GALNT17: variants seen among roughly 807,000 people sequenced by gnomAD.
The protein encoded by GALNT17 is UDP-GalNAc:polypeptide N-acetylgalactosaminyltransferase-like 3.
GALNT17 carries 29 observed loss-of-function variants against 63.7 expected under a neutral mutation model. The ratio of observed to expected loss-of-function variants is 0.46; its 90% CI spans 0.34 to 0.62. GALNT17 has a LOEUF of 0.62. Ranked by LOEUF, GALNT17 falls within the 20% of genes least tolerant of loss-of-function variation. GALNT17 has a pLI of 0.01. For synonymous variants in GALNT17, 305 were observed against 318.3 expected (o/e 0.96, Z 0.45); for missense variants, 603 against 799.6 (o/e 0.75, Z 2.97).
intron 2 of GALNT17, among the ~76,000 whole-genome samples, chr7:71,381,204 C>T (rs1039160838): frequency 4.6e-5 from 7 of 151,758 alleles, no homozygotes; most frequent in South Asian, 2.1e-4. Context: ...TCTGGTGGTC[C>T]GCTGCCTCTA....
At chr7:71,656,097 T>TCAGAC (rs1790824141) in intron 6 of GALNT17, among the ~76,000 whole-genome samples, 1 of 152,144 alleles carries the variant, frequency 6.6e-6, no homozygotes, top group Non-Finnish European at 1.5e-5. Context: ...AACTCAGAAC[T>TCAGAC]CTTTGGGTAC....
chr7:71,276,640 C>G (rs981908915), intron 1 of GALNT17, among the ~76,000 whole-genome samples: 1 of 152,158 alleles, frequency 6.6e-6, no homozygotes, highest in Non-Finnish European at 1.5e-5. Flanking sequence ...TTGCCTTCTT[C>G]CATGATTGTG....
At chr7:71,513,533 G>T (rs1424940850) in intron 5 of GALNT17, among the ~76,000 whole-genome samples, 1 of 151,942 alleles carries the variant, frequency 6.6e-6, no homozygotes, top group Non-Finnish European at 1.5e-5. Context: ...CTACAGGCAT[G>T]CTCCACCATG....
intron 6 of GALNT17, among the ~76,000 whole-genome samples, chr7:71,655,963 T>G (rs537567840): frequency 2.0e-5 from 3 of 152,308 alleles, no homozygotes; most frequent in African/African-American, 7.2e-5. Flanking sequence ...TATTTCCTTT[T>G]CCTTTCTTTA....
chr7:71,176,191 G>T (rs959119419), intron 1 of GALNT17, among the ~76,000 whole-genome samples: 5 of 151,946 alleles, frequency 3.3e-5, no homozygotes, highest in Non-Finnish European at 5.9e-5. Context: ...AGAACACCAA[G>T]CAGAACAATA....
intron 3 of GALNT17, among the ~76,000 whole-genome samples, chr7:71,389,234 A>G (rs1174342032): frequency 6.6e-6 from 1 of 151,926 alleles, no homozygotes; most frequent in Non-Finnish European, 1.5e-5. Context: ...CTCAGGTTCA[A>G]GCGATTTTCC....
intron 9 of GALNT17, among the ~76,000 whole-genome samples, chr7:71,706,062 C>T (rs762851274): frequency 3.3e-5 from 5 of 152,164 alleles, no homozygotes; most frequent in Non-Finnish European, 5.9e-5. Context: ...GGTAGAAAAG[C>T]GGATGTGAGA....
intron 5 of GALNT17, among the ~76,000 whole-genome samples, chr7:71,463,550 G>GA (rs527266477): frequency 1.3e-5 from 2 of 152,006 alleles, no homozygotes; most frequent in African/African-American, 4.8e-5. Flanking sequence ...GTAAAGGAAT[G>GA]AAAAAAAGGC....
intron 2 of GALNT17, among the ~76,000 whole-genome samples, chr7:71,360,255 T>C (rs1411010179): frequency 1.3e-5 from 2 of 152,226 alleles, no homozygotes; most frequent in Non-Finnish European, 2.9e-5. Flanking sequence ...TGAACTCATT[T>C]GTTCAAAAAT....
At position 71,144,705 on chromosome 7, in the gene GALNT17, TC is replaced by T. The variant is rs374888715; in HGVS notation, c.238+11667del. Among the ~76,000 whole-genome samples the T allele has an allele frequency of 1.6e-4, 24 of 152,098 alleles. No individual in the cohort carries two copies. The South Asian group carries it at 4.8e-3, about 30-fold the overall frequency. The stretch of plus-strand genomic sequence containing the variant: ...GAGGAGATGGGAGGAGACCCTCAAA[TC>T]CGTCTCCTGAAGGAGTTCTGGGCTG... On this transcript the variant is annotated intron_variant, in intron 1 of 10. Transcript: ENST00000333538.
At chr7:71,585,584 A>C (rs1789702929) in intron 6 of GALNT17, among the ~76,000 whole-genome samples, 1 of 152,162 alleles carries the variant, frequency 6.6e-6, no homozygotes, top group Non-Finnish European at 1.5e-5. Context: ...TCTTAAGATG[A>C]CCAATGAGGT....
Position 71,282,669 on chromosome 7 carries a change from C to T in GALNT17, c.239-52881C>T, listed in dbSNP as rs114605979. ...CTCAGGACATCCTGAGTCCTATGGACTCAGGACTGGGGTCCATCTCAAGGG... is the reference window on the plus strand; with the variant it reads ...CTCAGGACATCCTGAGTCCTATGGATTCAGGACTGGGGTCCATCTCAAGGG... On this transcript the variant is annotated intron_variant, in intron 1 of 10. Transcript: ENST00000333538. Among the ~76,000 whole-genome samples, 677 of 145,866 alleles carry T rather than the reference C, an allele frequency of 4.6e-3. 4 individuals carry two copies. The highest frequency in any genetic ancestry group is 0.016 in the African/African-American group (654 of 40,944).
intron 5 of GALNT17, among the ~76,000 whole-genome samples, chr7:71,538,791 G>C (rs995268530): frequency 9.9e-5 from 15 of 151,838 alleles, no homozygotes; most frequent in African/African-American, 3.6e-4. Flanking sequence ...TCTATTGAAG[G>C]GAGGAAGGGA....
In GALNT17 at chr7:71,480,491, T is replaced by C. The variant is rs375833223; in HGVS notation, c.962+59386T>C. Among the ~76,000 whole-genome samples, 44 of 152,046 alleles carry C rather than the reference T, an allele frequency of 2.9e-4. 5 individuals carry two copies. In the East Asian group the frequency reaches 2.9e-3, roughly 10 times the overall value. On this transcript the variant is annotated intron_variant, in intron 5 of 10. Coordinates refer to ENST00000333538, the MANE Select transcript of GALNT17 (RefSeq NM_022479.3). ...CTCGAACAGCCAGTGCAGTGCATGG[T>C]GACTTGGTGACACATTACTGACCAG...
chr7:71,683,603 C>T (rs1349254157), intron 9 of GALNT17, among the ~76,000 whole-genome samples: 1 of 152,220 alleles, frequency 6.6e-6, no homozygotes, highest in African/African-American at 2.4e-5. Flanking sequence ...TTCCGGGCCA[C>T]TCAGAGAGCC....
At chr7:71,465,418 T>C (rs1038484727) in intron 5 of GALNT17, among the ~76,000 whole-genome samples, 1 of 152,206 alleles carries the variant, frequency 6.6e-6, no homozygotes, top group African/African-American at 2.4e-5. Flanking sequence ...TCCCCTCCAC[T>C]GTTACACAAC....
At chr7:71,218,211 T>C (rs1789521196) in intron 1 of GALNT17, among the ~76,000 whole-genome samples, 1 of 152,110 alleles carries the variant, frequency 6.6e-6, no homozygotes, top group Non-Finnish European at 1.5e-5. Flanking sequence ...CTGGCCAACA[T>C]GGTGAAACCC....
At chr7:71,699,491 CCAAAAAA>C (rs1791598189) in intron 9 of GALNT17, among the ~76,000 whole-genome samples, 1 of 148,648 alleles carries the variant, frequency 6.7e-6, no homozygotes, top group African/African-American at 2.5e-5. Flanking sequence ...AAAAAAAAAC[CCAAAAAA>C]CAAAAAAAAA....
chr7:71,352,980 G>A (rs1307933009), intron 2 of GALNT17, among the ~76,000 whole-genome samples: 1 of 152,018 alleles, frequency 6.6e-6, no homozygotes, highest in East Asian at 1.9e-4. Context: ...ACCCTGATTG[G>A]GGTTGATTAA....
Sources: gnomAD v4.1 joint callset for allele counts (sites outside exome capture counted in the v4.1 genomes callset) on GRCh38, gnomAD v4.1.1 for gene constraint, MANE v1.5 for transcripts, NCBI Gene and HGNC (gene_info 2026-07-23, HGNC 2026-07-21) for gene names.